RUNDC3B: variants seen among roughly 807,000 people sequenced by gnomAD.
The protein encoded by RUNDC3B is RUN domain-containing protein 3B.
A neutral mutation model predicts 58.4 loss-of-function variants in RUNDC3B; 33 were observed. That is an observed-to-expected ratio of 0.56 (90% CI 0.43 to 0.75). RUNDC3B has a LOEUF of 0.75. Ranked by LOEUF, RUNDC3B falls within the 30% of genes least tolerant of loss-of-function variation. The probability of loss-of-function intolerance (pLI) is 0.00; values close to 1 mark genes in which losing one functional copy is unlikely to be tolerated. For synonymous variants in RUNDC3B, 193 were observed against 195.2 expected (o/e 0.99, Z 0.10); for missense variants, 501 against 535.7 (o/e 0.94, Z 0.64).
intron 2 of RUNDC3B, among the ~76,000 whole-genome samples, chr7:87,688,638 A>G (rs1201116222): frequency 7.9e-5 from 12 of 151,780 alleles, no homozygotes; most frequent in Admixed American, 3.3e-4. Context: ...GTAGTTTGTT[A>G]TTTTGTACTT....
Position 87,821,010 on chromosome 7 carries a change from A to G in RUNDC3B, c.1225+4748A>G, listed in dbSNP as rs543594370. On this transcript the variant is annotated intron_variant, in intron 10 of 10. Coordinates refer to ENST00000394654, the MANE Select transcript of RUNDC3B (RefSeq NM_001134405.2). ...AGGGATGCCCTCTCTCACCACTCCT[A>G]TTCAACATAGTGTTGGAAGTTCTGG... Among the ~76,000 whole-genome samples the G allele has an allele frequency of 3.5e-4, 52 of 149,572 alleles. 1 individual carries two copies. The highest frequency in any genetic ancestry group is 6.7e-4 in the Admixed American group (10 of 15,024).
intron 7 of RUNDC3B, 39 bp downstream of exon 7, chr7:87,770,788 A>T (rs1202745497): frequency 1.4e-6 from 2 of 1,445,964 alleles, no homozygotes; most frequent in Non-Finnish European, 1.9e-6. Flanking sequence ...ATTTTATTCT[A>T]GTTATTGCCT....
At position 87,831,672 on chromosome 7, in the gene RUNDC3B, C is replaced by A. The variant is rs1350854537; in HGVS notation, c.*1642C>A. 6.6e-6 allele frequency: 1 copy of A among 151,816 alleles called. No individual in the cohort carries two copies. Among genetic ancestry groups the A allele is most frequent in the Non-Finnish European group, 1.5e-5 (1 of 67,850 alleles). 9.4% of individuals were successfully genotyped at this position (151,816 alleles called of 1,614,324 possible). A position where few individuals can be genotyped will look rare whatever the true frequency, so the allele number is the denominator to read the frequency against. The stretch of plus-strand genomic sequence containing the variant: ...AGTATCCAAAGCAGGTTTTCATCAG[C>A]ATGGGGGATGGAAGGTAGGTATAAT... On this transcript the variant is annotated 3_prime_UTR_variant, in exon 11 of 11. Coordinates refer to ENST00000394654, the MANE Select transcript of RUNDC3B (RefSeq NM_001134405.2).
At chr7:87,653,833 G>T (rs1258824013) in intron 2 of RUNDC3B, among the ~76,000 whole-genome samples, 1 of 151,820 alleles carries the variant, frequency 6.6e-6, no homozygotes, top group Non-Finnish European at 1.5e-5. Context: ...TGTTAGTATT[G>T]CTCTTAAAAA....
intron 2 of RUNDC3B, among the ~76,000 whole-genome samples, chr7:87,673,189 T>C (rs75926303): frequency 0.016 from 2,471 of 152,336 alleles, 70 homozygotes; most frequent in African/African-American, 0.056. Context: ...AATGACTATA[T>C]ATGTCTTAGG....
intron 2 of RUNDC3B, among the ~76,000 whole-genome samples, chr7:87,677,274 AACACACACACACACACACACAC>A (rs57009840): frequency 1.5e-5 from 2 of 135,898 alleles, no homozygotes; most frequent in African/African-American, 5.6e-5. Context: ...CAGTGTATAT[AACACACACACACACACACACAC>A]ACACACACAC....
At chr7:87,665,254 A>G (rs1247229436) in intron 2 of RUNDC3B, among the ~76,000 whole-genome samples, 1 of 152,208 alleles carries the variant, frequency 6.6e-6, no homozygotes, top group African/African-American at 2.4e-5. Context: ...GTATGATACA[A>G]AATCAACATA....
At chr7:87,785,922 G>A (rs552629057) in intron 8 of RUNDC3B, among the ~76,000 whole-genome samples, 50 of 152,218 alleles carry the variant, frequency 3.3e-4, no homozygotes, top group African/African-American at 1.1e-3. Flanking sequence ...CCCGAGGTGT[G>A]GTGTTCTGTA....
In RUNDC3B at chr7:87,754,487, A is replaced by T. The variant is rs75554059; in HGVS notation, c.629+12908A>T. Among the ~76,000 whole-genome samples the T allele has an allele frequency of 3.1e-3, 470 of 152,342 alleles. 6 individuals are homozygous for T. In the East Asian group the frequency reaches 0.049, roughly 16 times the overall value. On this transcript the variant is annotated intron_variant, in intron 6 of 10. Transcript: ENST00000394654. ...CCACTAAATGTCCACATGAAAATGT[A>T]GGAAAGATCTCAAATTAACAACCTA...
At chr7:87,680,394 T>C (rs1826808161) in intron 2 of RUNDC3B, among the ~76,000 whole-genome samples, 2 of 150,818 alleles carry the variant, frequency 1.3e-5, no homozygotes, top group South Asian at 2.1e-4. Flanking sequence ...TGTATCAAAA[T>C]GTGTAGCATG....
intron 10 of RUNDC3B, among the ~76,000 whole-genome samples, chr7:87,821,862 C>A (rs1296817192): frequency 1.3e-5 from 2 of 152,146 alleles, no homozygotes; most frequent in Non-Finnish European, 2.9e-5. Context: ...AACTGGATCC[C>A]TTCCTTACAC....
chr7:87,765,169 T>C (rs1311692029), intron 6 of RUNDC3B, among the ~76,000 whole-genome samples: 1 of 151,992 alleles, frequency 6.6e-6, no homozygotes, highest in Non-Finnish European at 1.5e-5. Flanking sequence ...ATTGTGCTTA[T>C]TTTAATTTTC....
chr7:87,781,695 G>A (rs1834932822), intron 8 of RUNDC3B, among the ~76,000 whole-genome samples: 1 of 152,006 alleles, frequency 6.6e-6, no homozygotes, highest in Non-Finnish European at 1.5e-5. Flanking sequence ...TATCATGAAG[G>A]GATGTTGGAT....
intron 6 of RUNDC3B, among the ~76,000 whole-genome samples, chr7:87,746,308 G>A (rs1267167706): frequency 6.6e-6 from 1 of 152,158 alleles, no homozygotes; most frequent in Non-Finnish European, 1.5e-5. Flanking sequence ...GTATATATTT[G>A]TTAAGCCCAT....
chr7:87,718,166 C>T (rs192333152), intron 4 of RUNDC3B, among the ~76,000 whole-genome samples: 138 of 152,212 alleles, frequency 9.1e-4, no homozygotes, highest in African/African-American at 3.2e-3. Context: ...AAGGCATATG[C>T]GGCAATGTCC....
Position 87,816,144 on chromosome 7 carries a change from A to G in RUNDC3B, c.1107A>G (p.Lys369=). ...YRKHNKQWYE[K]SYQSLDQLSA... is the part of the protein sequence containing the mutation. ...GTATTTCATCCTTGCTTTACAGGAA[A>G]AGTTATCAAAGTCTTGACCAGTTAT... is the stretch of plus-strand genomic sequence containing the variant. Residue 369 remains lysine, a synonymous_variant, in exon 10 of 11, where the codon AAA becomes AAG. Transcript: ENST00000394654. 6.2e-7 allele frequency: 1 copy of G among 1,600,850 alleles called. No individual in the cohort carries two copies. The highest frequency in any genetic ancestry group is 8.5e-7 in the Non-Finnish European group (1 of 1,171,302).
At chr7:87,796,650 T>C (rs78583389) in intron 8 of RUNDC3B, among the ~76,000 whole-genome samples, 3,768 of 152,204 alleles carry the variant, frequency 0.025, 146 homozygotes, top group African/African-American at 0.085. Context: ...TGGGCAAATT[T>C]TTCAATGTGC....
At chr7:87,769,266 C>T (rs1254452966) in intron 6 of RUNDC3B, among the ~76,000 whole-genome samples, 1 of 152,074 alleles carries the variant, frequency 6.6e-6, no homozygotes, top group Non-Finnish European at 1.5e-5. Flanking sequence ...CCACCTTGGC[C>T]TCCCAAAGGG....
intron 10 of RUNDC3B, among the ~76,000 whole-genome samples, chr7:87,829,475 G>T (rs1449502867): frequency 6.6e-6 from 1 of 152,042 alleles, no homozygotes. Context: ...GCTTACTTTT[G>T]TCAACTTTGT....
Sources: gnomAD v4.1 joint callset for allele counts (sites outside exome capture counted in the v4.1 genomes callset) on GRCh38, gnomAD v4.1.1 for gene constraint, MANE v1.5 for transcripts, NCBI Gene and HGNC (gene_info 2026-07-23, HGNC 2026-07-21) for gene names.